The following PCDHGA4 variants were observed in gnomAD, a reference collection of about 807,000 sequenced individuals.
PCDHGA4 encodes protocadherin gamma subfamily A, 4, also known as protocadherin gamma-A4.
Under a neutral mutation model 54.6 loss-of-function variants are expected in PCDHGA4, and 38 were observed. The ratio of observed to expected loss-of-function variants is 0.70; its 90% CI spans 0.54 to 0.91. The LOEUF (loss-of-function observed/expected upper bound fraction) is 0.91, where lower values mean the gene tolerates loss of function less well. Among genes scored for constraint, PCDHGA4 ranks in the 40% least tolerant of loss-of-function variants. The pLI is 0.00. For synonymous variants in PCDHGA4, 511 were observed against 512.9 expected, an observed-to-expected ratio of 1.00 and a Z score of 0.05; for missense variants, 1,298 against 1,220.9, an observed-to-expected ratio of 1.06 and a Z score of -0.94.
chr5:141,422,580 C>T (rs1310564205), intron 1 of PCDHGA4: 10 of 1,613,934 alleles, frequency 6.2e-6, no homozygotes, highest in Non-Finnish European at 8.5e-6. Flanking sequence ...ATAACCCTCC[C>T]GTTTTTCCTC....
At position 141,395,537 on chromosome 5, in the gene PCDHGA4, A is replaced by T. The variant is rs946783125; in HGVS notation, c.2514+37916A>T. 3.3e-5 allele frequency: 8 copies of T among 243,972 alleles called. No homozygotes were observed. In the African/African-American group the frequency reaches 3.8e-4, roughly 12 times the overall value. 15.1% of individuals were successfully genotyped at this position (243,972 alleles called of 1,614,324 possible). On this transcript the variant is annotated intron_variant, in intron 1 of 3. Transcript: ENST00000571252. ...ACCCGTCCATACTGGTAATTTTGCT[A>T]TTGTTTGTGTGTGTGTGTGTGTGTG...
chr5:141,504,510 C>T (rs2099838864), intron 2 of PCDHGA4, among the ~76,000 whole-genome samples: 1 of 151,952 alleles, frequency 6.6e-6, no homozygotes, highest in Non-Finnish European at 1.5e-5. Context: ...GAGTGGATCT[C>T]CTCTGATATA....
intron 1 of PCDHGA4, chr5:141,364,723 G>T: frequency 6.2e-7 from 1 of 1,613,938 alleles, no homozygotes; most frequent in Non-Finnish European, 8.5e-7. Flanking sequence ...ATAACTTCCC[G>T]CGTTTCCGGG....
At chr5:141,414,400 G>C (rs768269499) in intron 1 of PCDHGA4, 1 of 1,613,878 alleles carries the variant, frequency 6.2e-7, no homozygotes, top group Admixed American at 1.7e-5. Context: ...TTACAGATTG[G>C]TGATACACAG....
At position 141,383,693 on chromosome 5, in the gene PCDHGA4, A is replaced by G. The variant is rs771447649; in HGVS notation, c.2514+26072A>G. 6 of 1,613,930 alleles carry G rather than the reference A, an allele frequency of 3.7e-6. No individual in the cohort carries two copies. The African/African-American group carries it at 4.0e-5, about 11-fold the overall frequency. On this transcript the variant is annotated intron_variant, in intron 1 of 3. Coordinates refer to ENST00000571252, the MANE Select transcript of PCDHGA4 (RefSeq NM_018917.4). Reference sequence around the variant, plus strand: ...GTGGGTACAAGACTGCTCACGGTACATGCTATCGACCTGGACGAGGGAGTC... The same window carrying G: ...GTGGGTACAAGACTGCTCACGGTACGTGCTATCGACCTGGACGAGGGAGTC...
At chr5:141,357,754 G>A in intron 1 of PCDHGA4, 133 bp downstream of exon 1, 1 of 1,082,694 alleles carries the variant, frequency 9.2e-7, no homozygotes, top group Non-Finnish European at 1.3e-6. Context: ...AAGAAAACTG[G>A]TGGATGACCT....
rs758409280 is a variant in PCDHGA4, at chr5:141,366,109, G to A, written c.2514+8488G>A. ...GCTACCTGGTGACCAAGGTGGTAGC[G>A]GTGGACAAAGATTCAGGCCAGAACG... On this transcript the variant is annotated intron_variant, in intron 1 of 3. Transcript: ENST00000571252. 1.4e-5 allele frequency: 23 copies of A among 1,614,104 alleles called. No individual in the cohort carries two copies. The Admixed American group carries it at 2.2e-4, about 15-fold the overall frequency.
At chr5:141,425,624 G>T (rs1007643604) in intron 1 of PCDHGA4, among the ~76,000 whole-genome samples, 1 of 152,184 alleles carries the variant, frequency 6.6e-6, no homozygotes, top group African/African-American at 2.4e-5. Flanking sequence ...TGCTCCTCCA[G>T]TTTTCTCTGA....
intron 1 of PCDHGA4, among the ~76,000 whole-genome samples, chr5:141,369,728 G>A (rs948180332): frequency 2.0e-5 from 3 of 152,180 alleles, no homozygotes; most frequent in Admixed American, 2.0e-4. Context: ...GAAGTTAGAA[G>A]TAAAGGAAAT....
chr5:141,380,503 A>G (rs1353992586), intron 1 of PCDHGA4, among the ~76,000 whole-genome samples: 1 of 152,196 alleles, frequency 6.6e-6, no homozygotes, highest in African/African-American at 2.4e-5. Context: ...ACAATAATAT[A>G]CACTCTTTAA....
intron 1 of PCDHGA4, among the ~76,000 whole-genome samples, chr5:141,436,538 A>G (rs1353206648): frequency 6.6e-6 from 1 of 152,194 alleles, no homozygotes; most frequent in Admixed American, 6.5e-5. Context: ...CAAGTTATTT[A>G]ATCTCTTTGA....
Position 141,491,900 on chromosome 5 carries a change from G to A in PCDHGA4, c.2515-2907G>A, listed in dbSNP as rs1268804496. 7.0e-7 allele frequency: 1 copy of A among 1,429,818 alleles called. No individual in the cohort carries two copies. Among genetic ancestry groups the A allele is most frequent in the East Asian group, 2.5e-5 (1 of 39,444 alleles). The allele number at this position is 1,429,818 out of a possible 1,614,324, so 88.6% of individuals were successfully genotyped here. A position where few individuals can be genotyped will look rare whatever the true frequency, so the allele number is the denominator to read the frequency against. ...TAAGGGATGGGGCTCCGAGCACCGGGGGTGGTGGCGACTGTGGGCGAGGGG... is the reference window on the plus strand; with the variant it reads ...TAAGGGATGGGGCTCCGAGCACCGGAGGTGGTGGCGACTGTGGGCGAGGGG... On this transcript the variant is annotated intron_variant, in intron 1 of 3. Coordinates refer to ENST00000571252, the MANE Select transcript of PCDHGA4 (RefSeq NM_018917.4). This position sits in a 1 kb window ranked among gnomAD's most constrained non-coding sequence, Gnocchi z 6.9.
At chr5:141,492,385 G>A (rs1224771842) in intron 1 of PCDHGA4, among the ~76,000 whole-genome samples, 1 of 152,208 alleles carries the variant, frequency 6.6e-6, no homozygotes, top group Non-Finnish European at 1.5e-5. Context: ...GGCCTGTTCC[G>A]GTCCACTCGC....
intron 1 of PCDHGA4, chr5:141,423,979 G>A: frequency 9.0e-7 from 1 of 1,115,484 alleles, no homozygotes. Flanking sequence ...CAGTGTATGA[G>A]GCTCTCAATT....
In PCDHGA4 at chr5:141,476,504, G is replaced by A; in HGVS notation, c.2515-18303G>A. On this transcript the variant is annotated intron_variant, in intron 1 of 3. Coordinates refer to ENST00000571252, the MANE Select transcript of PCDHGA4 (RefSeq NM_018917.4). This position sits in a 1 kb window ranked among gnomAD's most constrained non-coding sequence, Gnocchi z 7.6. ...GGAAGTGGTGATCCAGGACATCAAC[G>A]ACAACAATCCTGCTTTCCCTACCCA... The A allele has an allele frequency of 6.2e-7, 1 of 1,614,098 alleles. No individual in the cohort carries two copies. The highest frequency in any genetic ancestry group is 2.2e-5 in the East Asian group (1 of 44,854).
chr5:141,388,521 A>T (rs978300482), intron 1 of PCDHGA4: 2 of 1,613,722 alleles, frequency 1.2e-6, no homozygotes, highest in African/African-American at 2.7e-5. Context: ...CTTGACTTTG[A>T]CTGCCTTGGA....
At chr5:141,373,335 A>G (rs1769489383) in intron 1 of PCDHGA4, among the ~76,000 whole-genome samples, 1 of 152,236 alleles carries the variant, frequency 6.6e-6, no homozygotes, top group Admixed American at 6.5e-5. Flanking sequence ...GGCATCTAAA[A>G]TGGCAACTCT....
At chr5:141,495,013 T>C (rs2099758300) in intron 2 of PCDHGA4, 148 bp downstream of exon 2, 12 of 1,511,014 alleles carry the variant, frequency 7.9e-6, no homozygotes, top group Non-Finnish European at 1.1e-5. Context: ...TGCGGGGGGC[T>C]GGCACACAGA....
intron 1 of PCDHGA4, chr5:141,427,597 T>C: frequency 1.5e-6 from 1 of 682,152 alleles, no homozygotes; most frequent in Non-Finnish European, 2.7e-6. Context: ...AGCCTCACCC[T>C]ACGCATTGGT....
Sources: allele counts gnomAD v4.1 joint callset (sites outside exome capture counted in the v4.1 genomes callset), GRCh38; gene constraint gnomAD v4.1.1; non-coding constraint Gnocchi (gnomAD v3.1); transcripts MANE v1.5; gene names NCBI Gene and HGNC (gene_info 2026-07-23, HGNC 2026-07-21).